The following FGD6 variants were observed in gnomAD, a reference collection of about 807,000 sequenced individuals.
The protein encoded by FGD6 is FYVE, RhoGEF and PH domain containing 6.
Under a neutral mutation model 149.4 loss-of-function variants are expected in FGD6, and 90 were observed. The observed-to-expected ratio is 0.60, with a 90% CI of 0.51 to 0.72. FGD6 has a LOEUF of 0.72. Among genes scored for constraint, FGD6 ranks in the 30% least tolerant of loss-of-function variants. The pLI is 0.00. For synonymous variants in FGD6, 527 were observed against 584.0 expected, an observed-to-expected ratio of 0.90 and a Z score of 1.41; for missense variants, 1,437 against 1,684.8, an observed-to-expected ratio of 0.85 and a Z score of 2.57.
chr12:95,086,536 CTTT>C (rs1010739533), intron 18 of FGD6, among the ~76,000 whole-genome samples: 3 of 105,752 alleles, frequency 2.8e-5, no homozygotes, highest in Admixed American at 1.0e-4. Context: ...TTTTTTTTTT[CTTT>C]TTTTTTTTTT....
At chr12:95,103,157 T>C (rs1416533544) in intron 14 of FGD6, among the ~76,000 whole-genome samples, 1 of 152,304 alleles carries the variant, frequency 6.6e-6, no homozygotes, top group East Asian at 1.9e-4. Context: ...ACAACTTGCC[T>C]TACAGGTTGC....
chr12:95,150,268 C>G (rs1343159400), intron 5 of FGD6, among the ~76,000 whole-genome samples: 1 of 152,054 alleles, frequency 6.6e-6, no homozygotes, highest in Non-Finnish European at 1.5e-5. Context: ...CTCATGTGAT[C>G]CGCCTGCCCT....
intron 2 of FGD6, among the ~76,000 whole-genome samples, chr12:95,182,220 CT>C (rs34662366): frequency 0.047 from 6,307 of 135,192 alleles, 171 homozygotes; most frequent in Middle Eastern, 0.11. Context: ...TGTATACATA[CT>C]TTTTTTTTTT....
chr12:95,184,329 G>C (rs78682716), intron 2 of FGD6, among the ~76,000 whole-genome samples: 3 of 152,194 alleles, frequency 2.0e-5, no homozygotes, highest in Admixed American at 6.5e-5. Flanking sequence ...GAGCCACAGA[G>C]GGGGAGGTTA....
intron 2 of FGD6, among the ~76,000 whole-genome samples, chr12:95,193,286 T>A (rs1338596778): frequency 1.3e-5 from 2 of 151,944 alleles, no homozygotes; most frequent in East Asian, 3.9e-4. Context: ...TATTTAGCAA[T>A]ACTTAGCATT....
chr12:95,198,641 G>C lies in FGD6; in HGVS notation c.2441+10202C>G, dbSNP rs1036801326. ...TTTTTAGTAGAGATGGGGTTTCACC[G>C]TGTTAGCCAGGATGTTCTCGATCTG... is the stretch of plus-strand genomic sequence containing the variant. On this transcript the variant is annotated intron_variant, in intron 2 of 20. Coordinates refer to ENST00000343958, the MANE Select transcript of FGD6 (RefSeq NM_018351.4). Among the ~76,000 whole-genome samples the C allele has an allele frequency of 7.9e-5, 12 of 152,074 alleles. 1 individual carries two copies. Among genetic ancestry groups the C allele is most frequent in the Non-Finnish European group, 1.8e-4 (12 of 68,004 alleles).
At position 95,142,382 on chromosome 12, in the gene FGD6, A is replaced by T. The variant is rs539075875; in HGVS notation, c.2686-843T>A. Among the ~76,000 whole-genome samples, 4 of 151,960 alleles carry T rather than the reference A, an allele frequency of 2.6e-5. No individual in the cohort carries two copies. In the South Asian group the frequency reaches 8.3e-4, roughly 32 times the overall value. On this transcript the variant is annotated intron_variant, in intron 5 of 20. Coordinates refer to ENST00000343958, the MANE Select transcript of FGD6 (RefSeq NM_018351.4). Reference sequence around the variant, plus strand: ...CTGGTCTCGAATTCCTGACCTTCTGATTCGCCCGCCTCAGCCTCCCAAAGT... The same window carrying T: ...CTGGTCTCGAATTCCTGACCTTCTGTTTCGCCCGCCTCAGCCTCCCAAAGT...
At chr12:95,106,449 T>G (rs527722139) in intron 13 of FGD6, among the ~76,000 whole-genome samples, 236 of 150,876 alleles carry the variant, frequency 1.6e-3, no homozygotes, top group African/African-American at 5.4e-3. Context: ...TTTTGTTTGT[T>G]TTTTTTTTGT....
At chr12:95,193,116 C>A (rs1210141743) in intron 2 of FGD6, among the ~76,000 whole-genome samples, 2 of 152,176 alleles carry the variant, frequency 1.3e-5, no homozygotes, top group Non-Finnish European at 2.9e-5. Flanking sequence ...ACTAAACATG[C>A]AATTCCCACA....
At chr12:95,134,856 A>T in intron 7 of FGD6, 30 bp from the exon 8 acceptor site, 1 of 1,572,442 alleles carries the variant, frequency 6.4e-7, no homozygotes, top group Non-Finnish European at 8.7e-7. Flanking sequence ...AAATTAACAC[A>T]GTGTTTTCTA....
chr12:95,142,184 C>T (rs551276568), intron 5 of FGD6, among the ~76,000 whole-genome samples: 17 of 151,084 alleles, frequency 1.1e-4, no homozygotes, highest in Admixed American at 2.0e-4. Context: ...CACTGTCACC[C>T]ACGCTAGAGT....
rs71078621 is a variant in FGD6 at position 95,201,955 on chromosome 12, TACACACACACACACAC to T, written c.2441+6872_2441+6887del. Among the ~76,000 whole-genome samples, 1,455 of 146,550 alleles carry T rather than the reference TACACACACACACACAC, an allele frequency of 9.9e-3. 24 individuals are homozygous for T. The highest frequency in any genetic ancestry group is 0.034 in the African/African-American group (1,360 of 40,072). ...AAATGTTTTACTAAGCAGGACAGAA[TACACACACACACACAC>T]ACACACACACACACACACACACACA... On this transcript the variant is annotated intron_variant, in intron 2 of 20. Coordinates refer to ENST00000343958, the MANE Select transcript of FGD6 (RefSeq NM_018351.4).
At chr12:95,151,545 G>A (rs1224449114) in intron 5 of FGD6, among the ~76,000 whole-genome samples, 1 of 152,152 alleles carries the variant, frequency 6.6e-6, no homozygotes, top group African/African-American at 2.4e-5. Context: ...TGGGATTACA[G>A]TCATGAGCCA....
chr12:95,211,014 A>G lies in FGD6; in HGVS notation c.270T>C (p.Thr90=), dbSNP rs1344853852. The G allele has an allele frequency of 1.9e-6, 3 of 1,614,180 alleles. No individual in the cohort carries two copies. The highest frequency in any genetic ancestry group is 1.7e-5 in the Admixed American group (1 of 60,016). The change falls in exon 2 of 21, where the codon ACT becomes ACC. Residue 90 remains threonine (T), a synonymous_variant. Coordinates refer to ENST00000343958, the MANE Select transcript of FGD6 (RefSeq NM_018351.4). ...EGHKQELAES[T]DNFNCKYEGN... is the part of the protein sequence containing the mutation. ...CTTCATATTTACAATTAAAGTTGTC[A>G]GTGCTTTCAGCTAATTCCTGTTTAT... is the stretch of plus-strand genomic sequence containing the variant.
chr12:95,089,503 C>T (rs540509649), intron 18 of FGD6, 66 bp downstream of exon 18: 242 of 1,513,180 alleles, frequency 1.6e-4, no homozygotes, highest in Admixed American at 4.5e-4. Context: ...GAAAGAAAAA[C>T]GGTGTATTAT....
At chr12:95,128,858 G>C (rs1879426683) in intron 8 of FGD6, among the ~76,000 whole-genome samples, 1 of 152,182 alleles carries the variant, frequency 6.6e-6, no homozygotes, top group African/African-American at 2.4e-5. Context: ...CAGCTTTCAG[G>C]AGACAGCAAG....
chr12:95,197,631 C>G (rs562351602), intron 2 of FGD6, among the ~76,000 whole-genome samples: 1 of 152,004 alleles, frequency 6.6e-6, no homozygotes. Context: ...TTTAGCCTTA[C>G]AAAATATTTA....
chr12:95,181,836 C>T (rs1881288524), intron 2 of FGD6, among the ~76,000 whole-genome samples: 1 of 152,046 alleles, frequency 6.6e-6, no homozygotes, highest in Non-Finnish European at 1.5e-5. Context: ...CGCCTGTAGT[C>T]CCAGCTACTC....
In FGD6 at chr12:95,210,470, G is replaced by A. The variant is rs79048319; in HGVS notation, c.814C>T (p.Leu272=). ...CTTTTCCCATTTTCCAGAGCCTCTAGTTCAGATGACTGAAAGCAATTATTG... is the reference window on the plus strand; with the variant it reads ...CTTTTCCCATTTTCCAGAGCCTCTAATTCAGATGACTGAAAGCAATTATTG... The part of the protein sequence containing the change: ...KSNNCFQSSE[L]EALENGKRST... Residue 272 remains leucine, a synonymous_variant, in exon 2 of 21, where the codon CTA becomes TTA. Coordinates refer to ENST00000343958, the MANE Select transcript of FGD6 (RefSeq NM_018351.4). 9 of 1,614,070 alleles carry A rather than the reference G, an allele frequency of 5.6e-6. No individual in the cohort carries two copies. The African/African-American group carries it at 1.1e-4, about 19-fold the overall frequency.
Sources: allele counts gnomAD v4.1 joint callset (sites outside exome capture counted in the v4.1 genomes callset), GRCh38; gene constraint gnomAD v4.1.1; transcripts MANE v1.5; gene names NCBI Gene and HGNC (gene_info 2026-07-23, HGNC 2026-07-21).